The following ADGRB3 variants were observed in gnomAD, a reference collection of about 807,000 sequenced individuals.
ADGRB3 encodes the protein adhesion G protein-coupled receptor B3.
A neutral mutation model predicts 193.4 loss-of-function variants in ADGRB3; 37 were observed. The observed-to-expected ratio is 0.19, with a 90% CI of 0.15 to 0.25. The LOEUF (loss-of-function observed/expected upper bound fraction) is 0.25. Ranked by LOEUF, ADGRB3 falls within the 10% of genes least tolerant of loss-of-function variation. The pLI, the probability that ADGRB3 is intolerant of heterozygous loss-of-function variation, is 1.00. For synonymous variants in ADGRB3, 690 were observed against 644.2 expected, an observed-to-expected ratio of 1.07 and a Z score of -1.08; for missense variants, 1,637 against 1,852.9, an observed-to-expected ratio of 0.88 and a Z score of 2.14.
chr6:68,961,989 T>C (rs1768246127), intron 8 of ADGRB3, among the ~76,000 whole-genome samples: 1 of 152,202 alleles, frequency 6.6e-6, no homozygotes, highest in Non-Finnish European at 1.5e-5. Flanking sequence ...AAGTTTTGAC[T>C]GCATATTTTT....
chr6:68,913,014 C>G (rs1582309393), intron 3 of ADGRB3, among the ~76,000 whole-genome samples: 2 of 152,176 alleles, frequency 1.3e-5, no homozygotes. Flanking sequence ...GGGGGAGGGG[C>G]ACCTGCCATT....
intron 3 of ADGRB3, among the ~76,000 whole-genome samples, chr6:68,843,903 C>A (rs1768219004): frequency 6.6e-6 from 1 of 151,974 alleles, no homozygotes; most frequent in Admixed American, 6.6e-5. Flanking sequence ...AACACAGCTG[C>A]CAAGAATGTA....
chr6:68,988,385 G>A (rs758844891), intron 10 of ADGRB3, among the ~76,000 whole-genome samples: 1 of 152,136 alleles, frequency 6.6e-6, no homozygotes, highest in African/African-American at 2.4e-5. Context: ...TGACAGAATA[G>A]CATGAGTCAG....
rs1169158832 is a variant in ADGRB3, at chr6:69,048,169, AT to A, written c.2108-13del. On this transcript the variant is annotated splice_polypyrimidine_tract_variant and intron_variant, in intron 13 of 31. Transcript: ENST00000370598. ...TAAAGCAAGTTTAATTGAAATTATT[AT>A]TTCTTTTTTAATAGTGGCTAGTATT... 6 of 1,603,942 alleles carry A rather than the reference AT, an allele frequency of 3.7e-6. No homozygotes were observed. The highest frequency in any genetic ancestry group is 1.7e-5 in the Admixed American group (1 of 57,752).
intron 3 of ADGRB3, among the ~76,000 whole-genome samples, chr6:68,785,866 G>T (rs906532846): frequency 2.0e-5 from 3 of 152,134 alleles, no homozygotes; most frequent in Admixed American, 1.3e-4. Context: ...GTGTGAGATG[G>T]TATCTCATTG....
chr6:69,018,685 G>A (rs2785572), intron 13 of ADGRB3, among the ~76,000 whole-genome samples, 186 bp downstream of exon 13: 145,223 of 152,036 alleles, frequency 0.96, 69,667 homozygotes, highest in East Asian at 1. Flanking sequence ...ATATATGTAC[G>A]CGTATATTTG....
In ADGRB3 at chr6:69,332,850, G is replaced by A. The variant is rs546234635; in HGVS notation, c.3103-73G>A. 3 of 1,573,882 alleles carry A rather than the reference G, an allele frequency of 1.9e-6. No homozygotes were observed. The East Asian group carries it at 6.8e-5, about 36-fold the overall frequency. On this transcript the variant is annotated intron_variant, in intron 23 of 31. Coordinates refer to ENST00000370598, the MANE Select transcript of ADGRB3 (RefSeq NM_001704.3). ...CGGTGGTTATGAATTGATAAAAATA[G>A]GATTTTCAGGAGAAACAGGGACCTG...
intron 3 of ADGRB3, among the ~76,000 whole-genome samples, chr6:68,917,424 G>T (rs1766912235): frequency 1.3e-5 from 2 of 152,128 alleles, no homozygotes; most frequent in Middle Eastern, 6.8e-3. Context: ...CAATATAGTT[G>T]ATTTATTTGT....
At chr6:69,285,469 G>A (rs952292311) in intron 20 of ADGRB3, among the ~76,000 whole-genome samples, 5 of 151,882 alleles carry the variant, frequency 3.3e-5, no homozygotes, top group African/African-American at 4.8e-5. Context: ...TCAGGAGTTC[G>A]AGACCAGCCT....
At position 69,057,342 on chromosome 6, in the gene ADGRB3, A is replaced by C. The variant is rs1040850747; in HGVS notation, c.2334-5592A>C. On this transcript the variant is annotated intron_variant, in intron 15 of 31. Transcript: ENST00000370598. ...GGTTTACTACATATAAAGTCATGTCATCTATGAACAGAGGTAATTTTACCT... is the reference window on the plus strand; with the variant it reads ...GGTTTACTACATATAAAGTCATGTCCTCTATGAACAGAGGTAATTTTACCT... Among the ~76,000 whole-genome samples, 39 of 152,116 alleles carry C rather than the reference A, an allele frequency of 2.6e-4. 1 individual carries two copies. The highest frequency in any genetic ancestry group is 2.4e-3 in the Admixed American group (36 of 15,274).
At chr6:69,241,039 A>AT (rs141999091) in intron 20 of ADGRB3, among the ~76,000 whole-genome samples, 21,691 of 151,950 alleles carry the variant, frequency 0.14, 1,595 homozygotes, top group Middle Eastern at 0.16. Context: ...CCCTTAGACT[A>AT]GGAAAACTGC....
At chr6:68,967,430 T>C (rs1006997) in intron 8 of ADGRB3, among the ~76,000 whole-genome samples, 127,681 of 152,100 alleles carry the variant, frequency 0.84, 53,910 homozygotes, top group Middle Eastern at 0.9. Context: ...TTCTAAAAAA[T>C]GGTCCTATAG....
At chr6:68,704,173 T>C (rs1765288377) in intron 3 of ADGRB3, among the ~76,000 whole-genome samples, 1 of 152,218 alleles carries the variant, frequency 6.6e-6, no homozygotes, top group African/African-American at 2.4e-5. Flanking sequence ...AAATTTATTA[T>C]AAAATATGAG....
chr6:69,220,336 A>G (rs1404104804), intron 17 of ADGRB3, among the ~76,000 whole-genome samples: 1 of 152,150 alleles, frequency 6.6e-6, no homozygotes, highest in Non-Finnish European at 1.5e-5. Flanking sequence ...TCCAAATAGC[A>G]GTTAGCTACT....
chr6:69,221,995 A>G (rs1765908374), intron 17 of ADGRB3, among the ~76,000 whole-genome samples: 1 of 152,206 alleles, frequency 6.6e-6, no homozygotes, highest in African/African-American at 2.4e-5. Context: ...TAAGAAAAAA[A>G]GAAATTCATG....
At chr6:69,076,154 G>GA (rs35445308) in intron 17 of ADGRB3, 116 bp downstream of exon 17, 467,233 of 694,116 alleles carry the variant, frequency 0.67, 157,925 homozygotes, top group East Asian at 0.93. Flanking sequence ...TGCATTCAGA[G>GA]AAAAAAAAAT....
intron 17 of ADGRB3, among the ~76,000 whole-genome samples, chr6:69,114,114 A>G (rs890251471): frequency 5.3e-5 from 8 of 152,100 alleles, no homozygotes; most frequent in African/African-American, 1.9e-4. Flanking sequence ...GCCACTACTC[A>G]CTGAATACTC....
intron 30 of ADGRB3, among the ~76,000 whole-genome samples, chr6:69,376,896 A>G (rs1769836432): frequency 6.6e-6 from 1 of 152,038 alleles, no homozygotes. Context: ...AAGTATACTC[A>G]TGATTGACAG....
chr6:68,736,207 T>C (rs1345243087), intron 3 of ADGRB3, among the ~76,000 whole-genome samples: 4 of 151,360 alleles, frequency 2.6e-5, no homozygotes, highest in Non-Finnish European at 5.9e-5. Context: ...TTTATAGAGA[T>C]AGGGTCTCTC....
Sources: gnomAD v4.1 joint callset for allele counts (sites outside exome capture counted in the v4.1 genomes callset) on GRCh38, gnomAD v4.1.1 for gene constraint, MANE v1.5 for transcripts, NCBI Gene and HGNC (gene_info 2026-07-23, HGNC 2026-07-21) for gene names.